RNPC3: variants seen among roughly 807,000 people sequenced by gnomAD.
The protein encoded by RNPC3 is RNA binding region (RNP1, RRM) containing 3.
In RNPC3, 48 loss-of-function variants were observed where a neutral mutation model predicts 67.5. The ratio of observed to expected loss-of-function variants is 0.71; its 90% confidence interval spans 0.56 to 0.90. RNPC3 has a LOEUF of 0.90. Ranked by LOEUF, RNPC3 falls within the 40% of genes least tolerant of loss-of-function variation. The pLI is 0.00. For synonymous variants in RNPC3, 239 were observed against 210.3 expected, an observed-to-expected ratio of 1.14 and a Z score of -1.18; for missense variants, 637 against 626.1, an observed-to-expected ratio of 1.02 and a Z score of -0.19.
At position 103,537,478 on chromosome 1, in the gene RNPC3, G is replaced by T. The variant is rs1177375172; in HGVS notation, c.761G>T (p.Arg254Leu). ...SEYESTDDED[R>L]QRMNKLMELA... ...TATGAAAGCACTGATGATGAGGACC[G>T]ACAGAGGTTTGTAACATGAAAAATT... is the stretch of plus-strand genomic sequence containing the variant. Residue 254 changes from arginine (R) to leucine (L), a missense_variant, in exon 7 of 15, where the codon CGA (arginine) becomes CTA (leucine). Transcript: ENST00000423855. 4 of 1,533,764 alleles carry T rather than the reference G, an allele frequency of 2.6e-6. No homozygotes were observed. The African/African-American group carries it at 5.5e-5, about 21-fold the overall frequency.
At chr1:103,535,481 T>C (rs1650958656) in intron 5 of RNPC3, 40 bp downstream of exon 5, 1 of 1,225,940 alleles carries the variant, frequency 8.2e-7, no homozygotes, top group East Asian at 2.6e-5. Flanking sequence ...ACTTGTTGTA[T>C]AGCTTGATAC....
At chr1:103,539,444 G>A (rs1651067446) in intron 7 of RNPC3, among the ~76,000 whole-genome samples, 1 of 152,360 alleles carries the variant, frequency 6.6e-6, no homozygotes, top group South Asian at 2.1e-4. Flanking sequence ...AACAGGCAGT[G>A]CCTGATAGAT....
At chr1:103,540,718 C>T (rs1263290555) in intron 7 of RNPC3, among the ~76,000 whole-genome samples, 1 of 152,092 alleles carries the variant, frequency 6.6e-6, no homozygotes, top group African/African-American at 2.4e-5. Flanking sequence ...TTCCAAGTTC[C>T]TGCTCTGTAG....
At chr1:103,536,072 A>G in intron 5 of RNPC3, 54 bp from the exon 6 acceptor site, 1 of 1,302,282 alleles carries the variant, frequency 7.7e-7, no homozygotes, top group Admixed American at 2.0e-5. Context: ...CATAAAATAC[A>G]AGATGTGAGT....
Position 103,545,105 on chromosome 1 carries a change from A to G in RNPC3, c.1207+3A>G. 6.5e-7 allele frequency: 1 copy of G among 1,528,124 alleles called. No individual in the cohort carries two copies. Among genetic ancestry groups the G allele is most frequent in the Non-Finnish European group, 8.8e-7 (1 of 1,142,384 alleles). The allele number at this position is 1,528,124 out of a possible 1,614,324, so 94.7% of individuals were successfully genotyped here. ...AAAGGGCAGAATTTCTAGAGAAGGT[A>G]ATGTCACGAAATAAACTAAGCACAT... On this transcript the variant is annotated splice_donor_region_variant and intron_variant, in intron 10 of 14. Coordinates refer to ENST00000423855, the MANE Select transcript of RNPC3 (RefSeq NM_017619.4).
intron 7 of RNPC3, 91 bp downstream of exon 7, chr1:103,537,575 C>A: frequency 9.3e-7 from 1 of 1,078,340 alleles, no homozygotes; most frequent in Non-Finnish European, 1.3e-6. Flanking sequence ...GTGTATAATA[C>A]TTAATAGTTT....
intron 4 of RNPC3, 106 bp from the exon 5 acceptor site, chr1:103,535,224 A>G: frequency 1.5e-6 from 1 of 659,038 alleles, no homozygotes; most frequent in East Asian, 2.8e-5. Context: ...TAAATCTAAT[A>G]GTACTGTATC....
Position 103,532,678 on chromosome 1 carries a change from G to A in RNPC3, c.241-1061G>A, listed in dbSNP as rs569284415. Among the ~76,000 whole-genome samples the A allele has an allele frequency of 3.7e-4, 57 of 152,104 alleles. No individual in the cohort carries two copies. The South Asian group carries it at 0.011, about 29-fold the overall frequency. ...AAGAGATGGAGGAGTACAAACCAGC[G>A]AGCTAGGAAGAAAACTAAGAATGTA... On this transcript the variant is annotated intron_variant, in intron 2 of 14. Transcript: ENST00000423855.
In RNPC3 at chr1:103,541,454, C is replaced by T; in HGVS notation, c.872C>T (p.Thr291Ile). The T allele has an allele frequency of 2.7e-6, 4 of 1,495,784 alleles. No individual in the cohort carries two copies. The highest frequency in any genetic ancestry group is 1.3e-5 in the South Asian group (1 of 78,196). The allele number at this position is 1,495,784 out of a possible 1,614,324, so 92.7% of individuals were successfully genotyped here. Residue 291 changes from threonine to isoleucine, a missense_variant, in exon 8 of 15, where the codon ACA becomes ATA. Transcript: ENST00000423855. ...KKRKIKDMLN[T>I]PLCPSHSSLH... The stretch of plus-strand genomic sequence containing the variant: ...AGAAAAATAAAGGATATGTTGAATA[C>T]ACCTTTGTGTCCTTCACACAGGTAA...
intron 1 of RNPC3, among the ~76,000 whole-genome samples, chr1:103,526,980 C>T (rs1650730630): frequency 6.6e-6 from 1 of 151,500 alleles, no homozygotes; most frequent in South Asian, 2.1e-4. Context: ...AGAAGAAAGA[C>T]CAATTTTGAT....
intron 4 of RNPC3, 87 bp downstream of exon 4, chr1:103,534,944 T>C (rs1650945241): frequency 1.4e-6 from 1 of 698,372 alleles, no homozygotes; most frequent in Admixed American, 3.2e-5. Flanking sequence ...GCTTATTATA[T>C]ATTGTAATAT....
At position 103,531,894 on chromosome 1, in the gene RNPC3, G is replaced by A. The variant is rs532521059; in HGVS notation, c.241-1845G>A. 2.6e-5 allele frequency among the ~76,000 whole-genome samples: 4 copies of A among 152,090 alleles called. No individual in the cohort carries two copies. The South Asian group carries it at 8.3e-4, about 32-fold the overall frequency. ...TTGCTTTTGGGTTCTTGGTCATGAC[G>A]TCTTTGCCTAAGCCAATGTCTAGAA... On this transcript the variant is annotated intron_variant, in intron 2 of 14. Transcript: ENST00000423855.
intron 9 of RNPC3, among the ~76,000 whole-genome samples, chr1:103,543,805 G>A (rs919977924): frequency 2.6e-5 from 4 of 151,682 alleles, no homozygotes; most frequent in Non-Finnish European, 5.9e-5. Flanking sequence ...ATACTGGTTA[G>A]AAAACAAGCA....
chr1:103,551,961 A>G (rs1570628787), intron 14 of RNPC3, 169 bp downstream of exon 14: 1 of 447,836 alleles, frequency 2.2e-6, no homozygotes, highest in East Asian at 3.7e-5. Flanking sequence ...ACTACAGATT[A>G]AAACCCATTT....
intron 2 of RNPC3, among the ~76,000 whole-genome samples, chr1:103,528,602 A>T (rs1650771200): frequency 6.6e-6 from 1 of 152,138 alleles, no homozygotes; most frequent in Non-Finnish European, 1.5e-5. Flanking sequence ...GATCCAGAGG[A>T]TGTTTGCAAA....
At chr1:103,544,842 C>T in intron 9 of RNPC3, 99 bp from the exon 10 acceptor site, 1 of 639,112 alleles carries the variant, frequency 1.6e-6, no homozygotes, top group Non-Finnish European at 2.4e-6. Context: ...ATTTTAGTGC[C>T]AGAAGATATA....
intron 6 of RNPC3, among the ~76,000 whole-genome samples, chr1:103,536,409 C>T (rs536035288): frequency 7.9e-4 from 120 of 152,256 alleles, no homozygotes; most frequent in African/African-American, 2.8e-3. Flanking sequence ...GCTATCATTT[C>T]ATCCAGTGTT....
At chr1:103,551,691 A>G (rs1244096222) in intron 13 of RNPC3, 30 bp from the exon 14 acceptor site, 1 of 1,412,964 alleles carries the variant, frequency 7.1e-7, no homozygotes, top group Non-Finnish European at 9.7e-7. Flanking sequence ...TTGCATATTC[A>G]TGAAGGAAAC....
At chr1:103,538,948 A>G (rs1014325128) in intron 7 of RNPC3, among the ~76,000 whole-genome samples, 1 of 152,202 alleles carries the variant, frequency 6.6e-6, no homozygotes, top group Non-Finnish European at 1.5e-5. Context: ...CTGTTTCTTT[A>G]TAGGTCCAAA....
Sources: allele counts gnomAD v4.1 joint callset (sites outside exome capture counted in the v4.1 genomes callset), GRCh38; gene constraint gnomAD v4.1.1; transcripts MANE v1.5; gene names NCBI Gene and HGNC (gene_info 2026-07-23, HGNC 2026-07-21).